The following SUPT20H variants were observed in gnomAD, a reference collection of about 807,000 sequenced individuals.
SUPT20H encodes SPT20 homolog, SAGA complex component, also known as transcription factor SPT20 homolog.
Under a neutral mutation model 122.8 loss-of-function variants are expected in SUPT20H, and 82 were observed. The observed-to-expected ratio is 0.67, with a 90% CI of 0.56 to 0.80. The LOEUF (loss-of-function observed/expected upper bound fraction) is 0.80, where lower values mean the gene tolerates loss of function less well. Ranked by LOEUF, SUPT20H falls within the 30% of genes least tolerant of loss-of-function variation. SUPT20H has a pLI of 0.00. For synonymous variants in SUPT20H, 291 were observed against 313.0 expected (o/e 0.93, Z 0.74); for missense variants, 831 against 921.6 (o/e 0.90, Z 1.27).
chr13:37,036,325 G>A (rs1324431787), intron 9 of SUPT20H, among the ~76,000 whole-genome samples: 1 of 54,852 alleles, frequency 1.8e-5, no homozygotes, highest in Admixed American at 2.5e-4. Context: ...ACTTAAACTG[G>A]AGTTTTTTTT....
At chr13:37,010,847 AACTTTCTGGAC>A (rs572046755) in intron 24 of SUPT20H, 192 bp from the exon 25 acceptor site, 105 of 487,626 alleles carry the variant, frequency 2.2e-4, no homozygotes, top group Non-Finnish European at 3.6e-4. Flanking sequence ...CTGATAATGG[AACTTTCTGGAC>A]ACAAAAAGAG....
chr13:37,022,950 G>GT lies in SUPT20H; in HGVS notation c.1592-871dup. 8.1e-7 allele frequency: 1 copy of GT among 1,241,398 alleles called. No individual in the cohort carries two copies. The highest frequency in any genetic ancestry group is 1.4e-5 in the South Asian group (1 of 73,326). The allele number at this position is 1,241,398 out of a possible 1,614,324, so 76.9% of individuals were successfully genotyped here. A position where few individuals can be genotyped will look rare whatever the true frequency, so the allele number is the denominator to read the frequency against. On this transcript the variant is annotated intron_variant, in intron 19 of 25. Coordinates refer to ENST00000350612, the MANE Select transcript of SUPT20H (RefSeq NM_001014286.3). The surrounding 1 kb of genome is among the most constrained non-coding windows in gnomAD (Gnocchi z 4.5). ...ATCTGTTGTGAATGAAGTATGCACA[G>GT]TTTATCAATTTTTTAAAAAACAAAA...
chr13:37,047,441 T>G, intron 5 of SUPT20H, 94 bp downstream of exon 5: 1 of 1,287,410 alleles, frequency 7.8e-7, no homozygotes, highest in African/African-American at 1.6e-5. Flanking sequence ...GTTAGTTCAC[T>G]CACACACACA....
At chr13:37,050,081 A>G (rs2067334096) in intron 2 of SUPT20H, among the ~76,000 whole-genome samples, 1 of 152,206 alleles carries the variant, frequency 6.6e-6, no homozygotes, top group African/African-American at 2.4e-5. Flanking sequence ...GAGAATTTGT[A>G]TAATTCCAAA....
chr13:37,023,635 C>T (rs549754456), intron 19 of SUPT20H: 1 of 154,466 alleles, frequency 6.5e-6, no homozygotes, highest in South Asian at 2.1e-4. Flanking sequence ...AAAGATAGGA[C>T]CTGCAGCAAC....
chr13:37,034,975 G>A (rs1443279448), intron 9 of SUPT20H, among the ~76,000 whole-genome samples: 1 of 152,174 alleles, frequency 6.6e-6, no homozygotes, highest in Non-Finnish European at 1.5e-5. Context: ...TAAGGCCACT[G>A]TAGAGACCTA....
At chr13:37,056,626 G>A (rs2069105605) in intron 1 of SUPT20H, among the ~76,000 whole-genome samples, 1 of 152,092 alleles carries the variant, frequency 6.6e-6, no homozygotes, top group Non-Finnish European at 1.5e-5. Flanking sequence ...GGGGTGGGAG[G>A]AGGGGGGAGG....
intron 9 of SUPT20H, among the ~76,000 whole-genome samples, chr13:37,037,822 T>C (rs906934366): frequency 6.6e-6 from 1 of 152,194 alleles, no homozygotes; most frequent in Non-Finnish European, 1.5e-5. Flanking sequence ...ACCTCTGAAA[T>C]ATCTTGATAA....
In SUPT20H at chr13:37,012,263, G is replaced by A. The variant is rs776108977; in HGVS notation, c.2027C>T (p.Ala676Val). 6.2e-7 allele frequency: 1 copy of A among 1,613,360 alleles called. No homozygotes were observed. The highest frequency in any genetic ancestry group is 1.1e-5 in the South Asian group (1 of 91,054). ...SEQGSTSQEQALSAQQAAVIN... is the reference protein window; with the variant it reads ...SEQGSTSQEQVLSAQQAAVIN... The stretch of plus-strand genomic sequence containing the variant: ...AACAGCAGCTTGCTGAGCAGATAAG[G>A]CCTGTTCTTGACTGGTTGAACCTTG... The change falls in exon 24 of 26, where the codon GCC becomes GTC. Residue 676 changes from alanine to valine, a missense_variant. Coordinates refer to ENST00000350612, the MANE Select transcript of SUPT20H (RefSeq NM_001014286.3).
intron 22 of SUPT20H, 97 bp from the exon 23 acceptor site, chr13:37,017,461 G>A (rs2060706978): frequency 1.6e-6 from 2 of 1,244,300 alleles, no homozygotes; most frequent in Non-Finnish European, 1.1e-6. Flanking sequence ...TTTGCTATGT[G>A]TCACTCTTCT....
intron 14 of SUPT20H, among the ~76,000 whole-genome samples, chr13:37,027,910 A>G (rs1378730768): frequency 6.6e-6 from 1 of 152,228 alleles, no homozygotes. Flanking sequence ...ATAGCCTTCA[A>G]AACAAGCATA....
intron 1 of SUPT20H, among the ~76,000 whole-genome samples, chr13:37,055,428 A>G (rs1036723777): frequency 6.6e-6 from 1 of 152,206 alleles, no homozygotes; most frequent in African/African-American, 2.4e-5. Flanking sequence ...GATATAGACC[A>G]ATGGAACAGA....
At chr13:37,037,075 T>C (rs1012623437) in intron 9 of SUPT20H, among the ~76,000 whole-genome samples, 4 of 151,776 alleles carry the variant, frequency 2.6e-5, no homozygotes, top group African/African-American at 9.7e-5. Flanking sequence ...CATGCACCTA[T>C]AGTCCCAGCT....
chr13:37,012,913 T>C (rs2059844374), intron 23 of SUPT20H: 1 of 152,056 alleles, frequency 6.6e-6, no homozygotes, highest in Admixed American at 6.5e-5. Flanking sequence ...GTATTAATCT[T>C]AAGTCTAAGA....
intron 7 of SUPT20H, among the ~76,000 whole-genome samples, chr13:37,042,587 G>A (rs936687960): frequency 6.6e-6 from 1 of 152,122 alleles, no homozygotes; most frequent in African/African-American, 2.4e-5. Context: ...CAAGCAGGAC[G>A]CAGTTATATC....
At chr13:37,049,953 A>G (rs1385223047) in intron 2 of SUPT20H, among the ~76,000 whole-genome samples, 2 of 152,138 alleles carry the variant, frequency 1.3e-5, no homozygotes, top group African/African-American at 2.4e-5. Flanking sequence ...ACCAAATTGC[A>G]TGTGGGTAAA....
chr13:37,023,863 A>T, intron 19 of SUPT20H, 172 bp downstream of exon 19: 1 of 559,866 alleles, frequency 1.8e-6, no homozygotes, highest in Non-Finnish European at 3.0e-6. Flanking sequence ...TACAATAGAG[A>T]CATAATACAT....
At chr13:37,030,387 C>T (rs1042144392) in intron 12 of SUPT20H, among the ~76,000 whole-genome samples, 4 of 152,144 alleles carry the variant, frequency 2.6e-5, no homozygotes, top group Non-Finnish European at 5.9e-5. Flanking sequence ...TTACAGGCAA[C>T]CACGATCTTA....
intron 16 of SUPT20H, 140 bp downstream of exon 16, chr13:37,026,064 C>T (rs2062204500): frequency 1.8e-6 from 1 of 567,074 alleles, no homozygotes; most frequent in Non-Finnish European, 3.0e-6. Flanking sequence ...CAACAGAGAC[C>T]CATAAATATT....
Sources: gnomAD v4.1 joint callset for allele counts (sites outside exome capture counted in the v4.1 genomes callset) on GRCh38, gnomAD v4.1.1 for gene constraint, Gnocchi (gnomAD v3.1) non-coding constraint, MANE v1.5 for transcripts, NCBI Gene and HGNC (gene_info 2026-07-23, HGNC 2026-07-21) for gene names.